Variants in STEAP3 observed in about 807,000 individuals in gnomAD.
STEAP3 encodes STEAP3 metalloreductase, also known as metalloreductase STEAP3.
A neutral mutation model predicts 34.9 loss-of-function variants in STEAP3; 35 were observed. The ratio of observed to expected loss-of-function variants is 1.00; its 90% CI spans 0.76 to 1.33. The LOEUF is 1.33. Among genes scored for constraint, STEAP3 ranks in the 40% most tolerant of loss-of-function variants. The pLI, the probability that STEAP3 is intolerant of heterozygous loss-of-function variation, is 0.00. For synonymous variants in STEAP3, 281 were observed against 301.6 expected (o/e 0.93, Z 0.71); for missense variants, 652 against 667.6 (o/e 0.98, Z 0.26).
Position 119,263,139 on chromosome 2 carries a change from G to C in STEAP3, c.1298G>C (p.Arg433Pro). The stretch of plus-strand genomic sequence containing the variant: ...TGGACCCGCGCCTTCGAGGAGAGCC[G>C]CTACAAGTTCTACCTGCCTCCCACC... ...YGWTRAFEES[R>P]YKFYLPPTFT... The change falls in exon 6 of 6, where the codon CGC becomes CCC. Residue 433 changes from arginine (R) to proline (P), a missense_variant. Coordinates refer to ENST00000393110, the MANE Select transcript of STEAP3 (RefSeq NM_182915.3). The C allele has an allele frequency of 1.2e-6, 2 of 1,613,802 alleles. No individual in the cohort carries two copies. Among genetic ancestry groups the C allele is most frequent in the Non-Finnish European group, 1.7e-6 (2 of 1,180,018 alleles).
At chr2:119,228,794 G>C (rs547118895) in intron 1 of STEAP3, among the ~76,000 whole-genome samples, 9 of 152,142 alleles carry the variant, frequency 5.9e-5, no homozygotes, top group African/African-American at 1.9e-4. Flanking sequence ...CTTGTGGGGG[G>C]TGCTGAGAGG....
chr2:119,242,241 C>A (rs1220087408), intron 2 of STEAP3, among the ~76,000 whole-genome samples: 1 of 152,192 alleles, frequency 6.6e-6, no homozygotes, highest in African/African-American at 2.4e-5. Context: ...TCATCCAAAT[C>A]ATCAGCAAAT....
intron 2 of STEAP3, among the ~76,000 whole-genome samples, chr2:119,233,106 G>A (rs1172797800): frequency 1.3e-5 from 2 of 152,192 alleles, no homozygotes; most frequent in Non-Finnish European, 2.9e-5. Context: ...GCAGCAGCTG[G>A]GCCTCACCTG....
chr2:119,257,363 C>A (rs187953302), intron 5 of STEAP3: 4 of 1,369,256 alleles, frequency 2.9e-6, no homozygotes, highest in Non-Finnish European at 3.8e-6. Flanking sequence ...ATAACCCAGG[C>A]CTGCCTCCCA....
intron 5 of STEAP3, among the ~76,000 whole-genome samples, chr2:119,258,073 A>T (rs1214445435): frequency 6.6e-6 from 1 of 152,146 alleles, no homozygotes; most frequent in Non-Finnish European, 1.5e-5. Flanking sequence ...TGGATTATTC[A>T]TGAGTTTTCC....
At position 119,245,572 on chromosome 2, in the gene STEAP3, G is replaced by A. The variant is rs148260187; in HGVS notation, c.106G>A (p.Asp36Asn). 180 of 1,605,854 alleles carry A rather than the reference G, an allele frequency of 1.1e-4. No homozygotes were observed. Among genetic ancestry groups the A allele is most frequent in the Middle Eastern group, 1.7e-4 (1 of 6,044 alleles). ...CGATAGTAGCCTTGCCAAGGTCCCC[G>A]ATGAGGCCCCCAAAGTGGGCATCCT... ...DSDSSLAKVPDEAPKVGILGS... is the reference protein window; with the variant it reads ...DSDSSLAKVPNEAPKVGILGS... The change falls in exon 3 of 6, where the codon GAT (aspartate) becomes AAT (asparagine). Residue 36 changes from aspartate to asparagine, a missense_variant. By Grantham distance (23) the Asp-to-Asn change is conservative (BLOSUM62 1). Transcript: ENST00000393110.
chr2:119,258,330 T>C (rs1297936950), intron 5 of STEAP3, among the ~76,000 whole-genome samples: 2 of 152,186 alleles, frequency 1.3e-5, no homozygotes, highest in African/African-American at 4.8e-5. Flanking sequence ...ATTTATGACC[T>C]GTATCCTGAG....
intron 4 of STEAP3, among the ~76,000 whole-genome samples, chr2:119,252,881 T>C (rs1249036084): frequency 2.0e-5 from 3 of 152,140 alleles, no homozygotes; most frequent in East Asian, 1.9e-4. Context: ...TACAAGCCAA[T>C]GTGGTATACG....
intron 5 of STEAP3, among the ~76,000 whole-genome samples, chr2:119,257,259 C>A: frequency 6.6e-6 from 1 of 152,198 alleles, no homozygotes; most frequent in East Asian, 1.9e-4. Context: ...ATGTAGCATA[C>A]CTCGTTGTCT....
At position 119,245,894 on chromosome 2, in the gene STEAP3, T is replaced by C. The variant is rs1677406993; in HGVS notation, c.428T>C (p.Leu143Pro). ...CATCGTGAGTCCAATGCTGAGTACC[T>C]GGCCTCCCTCTTCCCCACTTGCACA... ...LQHRESNAEY[L>P]ASLFPTCTVV... The change falls in exon 3 of 6, where the codon CTG becomes CCG. Residue 143 changes from leucine (L) to proline (P), a missense_variant. Physicochemically the swap from Leu to Pro is moderately conservative, Grantham distance 98. Coordinates refer to ENST00000393110, the MANE Select transcript of STEAP3 (RefSeq NM_182915.3). The C allele has an allele frequency of 1.2e-6, 2 of 1,614,050 alleles. No individual in the cohort carries two copies. The highest frequency in any genetic ancestry group is 1.7e-6 in the Non-Finnish European group (2 of 1,180,038).
chr2:119,236,892 T>A (rs534226712), intron 2 of STEAP3, among the ~76,000 whole-genome samples: 25 of 152,202 alleles, frequency 1.6e-4, no homozygotes, highest in Admixed American at 1.6e-3. Context: ...GGCAGAGAAA[T>A]AGCTGTGTGA....
chr2:119,262,484 C>G (rs1470711668), intron 5 of STEAP3, among the ~76,000 whole-genome samples: 4 of 152,134 alleles, frequency 2.6e-5, no homozygotes, highest in Admixed American at 2.6e-4. Context: ...AAGTGATCCT[C>G]CCATCTCAGC....
At chr2:119,238,775 G>A (rs1677160120) in intron 2 of STEAP3, among the ~76,000 whole-genome samples, 1 of 152,130 alleles carries the variant, frequency 6.6e-6, no homozygotes, top group African/African-American at 2.4e-5. Flanking sequence ...GTGATCCCTG[G>A]GGTGCTGGAT....
At chr2:119,227,429 C>T (rs192809795) in intron 1 of STEAP3, among the ~76,000 whole-genome samples, 2 of 152,132 alleles carry the variant, frequency 1.3e-5, no homozygotes, top group East Asian at 1.9e-4. Context: ...ACACTGTCAC[C>T]GGAGAATTGT....
At chr2:119,262,545 T>C (rs1243466001) in intron 5 of STEAP3, among the ~76,000 whole-genome samples, 1 of 152,048 alleles carries the variant, frequency 6.6e-6, no homozygotes, top group Non-Finnish European at 1.5e-5. Flanking sequence ...CTGGCTAATT[T>C]TTTTGTATTT....
chr2:119,242,941 G>A (rs552459737), intron 2 of STEAP3, among the ~76,000 whole-genome samples: 17 of 152,236 alleles, frequency 1.1e-4, no homozygotes, highest in Admixed American at 2.6e-4. Context: ...CAGGAGGCCC[G>A]TTGTCACCTA....
At chr2:119,253,800 A>G (rs1331887669) in intron 4 of STEAP3, among the ~76,000 whole-genome samples, 1 of 151,642 alleles carries the variant, frequency 6.6e-6, no homozygotes, top group Admixed American at 6.6e-5. Context: ...GGGGCTCCCC[A>G]ATTTATATGT....
intron 4 of STEAP3, among the ~76,000 whole-genome samples, chr2:119,252,629 C>T (rs768485745): frequency 2.6e-5 from 4 of 152,160 alleles, no homozygotes; most frequent in Non-Finnish European, 5.9e-5. Flanking sequence ...TAGAGACTTA[C>T]TTACTAGGGG....
intron 3 of STEAP3, 22 bp downstream of exon 3, chr2:119,246,010 C>T (rs2104820497): frequency 6.3e-7 from 1 of 1,589,400 alleles, no homozygotes; most frequent in South Asian, 1.1e-5. Flanking sequence ...GGGAATAATA[C>T]CCATCGTAAC....
Sources: allele counts gnomAD v4.1 joint callset (sites outside exome capture counted in the v4.1 genomes callset), GRCh38; gene constraint gnomAD v4.1.1; transcripts MANE v1.5; gene names NCBI Gene and HGNC (gene_info 2026-07-23, HGNC 2026-07-21).